KIF13B: variants seen among roughly 807,000 people sequenced by gnomAD.
KIF13B encodes kinesin family member 13B.
Under a neutral mutation model 222.0 loss-of-function variants are expected in KIF13B, and 127 were observed. The ratio of observed to expected loss-of-function variants is 0.57; its 90% CI spans 0.50 to 0.66. The LOEUF is 0.66. KIF13B is among the 30% of genes least tolerant of loss of function. The pLI is 0.00. For synonymous variants in KIF13B, 976 were observed against 919.0 expected (o/e 1.06, Z -1.12); for missense variants, 2,173 against 2,379.0 (o/e 0.91, Z 1.80).
rs115690955 is a variant in KIF13B, at chr8:29,072,328, C to A, written c.4522-12G>T. The stretch of plus-strand genomic sequence containing the variant: ...ATCTCCGGCTGAGCCTGCAGCAGGA[C>A]GGGGAAGCAGGGGCTGAGAACAGAA... On this transcript the variant is annotated splice_polypyrimidine_tract_variant and intron_variant, in intron 38 of 39. Transcript: ENST00000524189. 1.3e-3 allele frequency: 1,790 copies of A among 1,392,954 alleles called. 22 individuals carry two copies. The African/African-American group carries it at 0.024, about 19-fold the overall frequency. The allele number at this position is 1,392,954 out of a possible 1,614,324, so 86.3% of individuals were successfully genotyped here. A position where few individuals can be genotyped will look rare whatever the true frequency, so the allele number is the denominator to read the frequency against.
At chr8:29,074,900 T>C (rs573611690) in intron 38 of KIF13B, among the ~76,000 whole-genome samples, 1 of 152,310 alleles carries the variant, frequency 6.6e-6, no homozygotes, top group African/African-American at 2.4e-5. Context: ...GAGACTATTT[T>C]CTCCACAGCT....
intron 29 of KIF13B, among the ~76,000 whole-genome samples, chr8:29,121,052 T>A (rs1809834915): frequency 6.7e-6 from 1 of 149,326 alleles, no homozygotes; most frequent in African/African-American, 2.5e-5. Flanking sequence ...GTAAATTTGT[T>A]TGAGTTCATT....
At chr8:29,113,593 TGAA>T (rs1299085760) in intron 31 of KIF13B, 38 bp from the exon 32 acceptor site, 1 of 1,250,492 alleles carries the variant, frequency 8.0e-7, no homozygotes, top group African/African-American at 1.5e-5. Context: ...GTTTCCCACC[TGAA>T]AAACTGAGTT....
rs1281350756 is a variant in KIF13B at position 29,069,353 on chromosome 8, C to T, written c.*1151G>A. ...GAGGGTCTGGAGACTAACCAGCACACTCCCTGCACCAGCCCAGCCGCCAGG... is the reference window on the plus strand; with the variant it reads ...GAGGGTCTGGAGACTAACCAGCACATTCCCTGCACCAGCCCAGCCGCCAGG... On this transcript the variant is annotated 3_prime_UTR_variant, in exon 40 of 40. Coordinates refer to ENST00000524189, the MANE Select transcript of KIF13B (RefSeq NM_015254.4). 2.0e-5 allele frequency: 3 copies of T among 152,354 alleles called. No individual in the cohort carries two copies. Among genetic ancestry groups the T allele is most frequent in the Non-Finnish European group, 4.4e-5 (3 of 68,154 alleles). The allele number at this position is 152,354 out of a possible 1,614,324, so 9.4% of individuals were successfully genotyped here.
chr8:29,156,682 T>TC (rs1180027533), intron 13 of KIF13B, among the ~76,000 whole-genome samples: 1 of 150,200 alleles, frequency 6.7e-6, no homozygotes, highest in East Asian at 2.0e-4. Flanking sequence ...CCAACTAATT[T>TC]TTTTTTTTTT....
intron 1 of KIF13B, among the ~76,000 whole-genome samples, chr8:29,262,537 G>C (rs953834710): frequency 6.6e-6 from 1 of 152,028 alleles, no homozygotes; most frequent in African/African-American, 2.4e-5. Context: ...GGGTCCCGGG[G>C]GGTCCCGGGC....
intron 10 of KIF13B, among the ~76,000 whole-genome samples, chr8:29,174,256 C>A (rs1392992230): frequency 1.3e-5 from 2 of 151,946 alleles, no homozygotes; most frequent in Admixed American, 6.6e-5. Flanking sequence ...TTTAAAGAAA[C>A]CTATTTACTC....
intron 10 of KIF13B, among the ~76,000 whole-genome samples, chr8:29,174,669 T>C (rs1812402958): frequency 6.6e-6 from 1 of 152,256 alleles, no homozygotes; most frequent in Admixed American, 6.5e-5. Flanking sequence ...ATGATTTGTT[T>C]ACACTTTTGT....
At chr8:29,153,333 G>A (rs530485924) in intron 14 of KIF13B, among the ~76,000 whole-genome samples, 2 of 152,286 alleles carry the variant, frequency 1.3e-5, no homozygotes, top group Admixed American at 6.5e-5. Context: ...TATCAGTAAT[G>A]AGAAATGAGA....
intron 13 of KIF13B, among the ~76,000 whole-genome samples, chr8:29,158,119 C>T (rs998731444): frequency 1.4e-4 from 22 of 152,098 alleles, no homozygotes; most frequent in African/African-American, 5.3e-4. Flanking sequence ...CATTTCTTAC[C>T]GTTTCTATCT....
At chr8:29,213,733 G>T (rs1814340366) in intron 2 of KIF13B, among the ~76,000 whole-genome samples, 1 of 152,086 alleles carries the variant, frequency 6.6e-6, no homozygotes, top group Non-Finnish European at 1.5e-5. Context: ...TGGATCACCT[G>T]AGGTCAGGAG....
chr8:29,223,028 A>C (rs1029493744), intron 2 of KIF13B, among the ~76,000 whole-genome samples: 1 of 152,036 alleles, frequency 6.6e-6, no homozygotes, highest in Non-Finnish European at 1.5e-5. Flanking sequence ...ATACATATAA[A>C]TCTATATGGC....
intron 8 of KIF13B, among the ~76,000 whole-genome samples, chr8:29,179,740 G>A (rs1167482578): frequency 1.3e-5 from 2 of 152,196 alleles, no homozygotes; most frequent in African/African-American, 2.4e-5. Context: ...ATGGACAGAA[G>A]CAACTTCTCT....
chr8:29,211,675 G>C (rs1244225660), intron 2 of KIF13B, among the ~76,000 whole-genome samples: 1 of 152,182 alleles, frequency 6.6e-6, no homozygotes, highest in Non-Finnish European at 1.5e-5. Flanking sequence ...TACTGAGGAA[G>C]CATGTGTAAG....
chr8:29,121,437 G>A (rs867583275), intron 29 of KIF13B, among the ~76,000 whole-genome samples: 79 of 50,412 alleles, frequency 1.6e-3, no homozygotes, highest in African/African-American at 6.2e-3. Context: ...ACAAACCTGA[G>A]AAAAACAAGC....
intron 7 of KIF13B, among the ~76,000 whole-genome samples, chr8:29,180,652 G>A (rs1812673850): frequency 2.0e-5 from 3 of 152,126 alleles, no homozygotes; most frequent in East Asian, 1.9e-4. Context: ...GCCATTTGTC[G>A]CTTCATACAG....
intron 10 of KIF13B, among the ~76,000 whole-genome samples, chr8:29,171,394 G>A (rs532903647): frequency 1.4e-3 from 208 of 152,076 alleles, no homozygotes; most frequent in Non-Finnish European, 2.2e-3. Flanking sequence ...CACATTAAGA[G>A]CACAACACAA....
At chr8:29,245,535 A>G in intron 1 of KIF13B, 96 bp from the exon 2 acceptor site, 1 of 827,972 alleles carries the variant, frequency 1.2e-6, no homozygotes. Context: ...ATACTCTTTC[A>G]TAATGCAAAC....
chr8:29,153,642 G>C (rs1811394227), intron 14 of KIF13B, among the ~76,000 whole-genome samples: 1 of 151,186 alleles, frequency 6.6e-6, no homozygotes, highest in Non-Finnish European at 1.5e-5. Flanking sequence ...TTACATTAAA[G>C]GCTCTTCCTC....
Sources: gnomAD v4.1 joint callset for allele counts (sites outside exome capture counted in the v4.1 genomes callset) on GRCh38, gnomAD v4.1.1 for gene constraint, MANE v1.5 for transcripts, NCBI Gene and HGNC (gene_info 2026-07-23, HGNC 2026-07-21) for gene names.